SCFD2: variants seen among roughly 807,000 people sequenced by gnomAD.
The protein encoded by SCFD2 is sec1 family domain-containing protein 2.
In SCFD2, 54 loss-of-function variants were observed where a neutral mutation model predicts 58.9. That is an observed-to-expected ratio of 0.92 (90% CI 0.74 to 1.15). SCFD2 has a LOEUF of 1.15. Among genes scored for constraint, SCFD2 ranks in the 50% most tolerant of loss-of-function variants. The pLI, the probability that SCFD2 is intolerant of heterozygous loss-of-function variation, is 0.00. For missense variants in SCFD2, 805 were observed against 836.6 expected, an observed-to-expected ratio of 0.96 and a Z score of 0.47; for synonymous variants, 321 against 335.9, an observed-to-expected ratio of 0.96 and a Z score of 0.49.
intron 2 of SCFD2, among the ~76,000 whole-genome samples, chr4:53,335,318 T>A (rs1338330692): frequency 1.3e-5 from 2 of 150,390 alleles, no homozygotes; most frequent in African/African-American, 4.9e-5. Flanking sequence ...TAAACAAACA[T>A]AAACTGAAGA....
At chr4:53,343,437 G>GCAATAA (rs1733950116) in intron 2 of SCFD2, among the ~76,000 whole-genome samples, 2 of 152,086 alleles carry the variant, frequency 1.3e-5, no homozygotes, top group South Asian at 4.1e-4. Flanking sequence ...CCAATAACAG[G>GCAATAA]TTCTGAAATT....
At chr4:53,098,825 A>T (rs1195373300) in intron 5 of SCFD2, among the ~76,000 whole-genome samples, 1 of 151,984 alleles carries the variant, frequency 6.6e-6, no homozygotes, top group Non-Finnish European at 1.5e-5. Context: ...ACACATTCTG[A>T]CTTCCTTAAC....
intron 5 of SCFD2, among the ~76,000 whole-genome samples, chr4:52,964,408 A>G (rs1162263855): frequency 2.0e-5 from 3 of 152,266 alleles, no homozygotes; most frequent in Middle Eastern, 3.4e-3. Flanking sequence ...AACAGGTCCA[A>G]CTTTTCCAAA....
At chr4:53,277,978 G>A (rs1467614591) in intron 3 of SCFD2, among the ~76,000 whole-genome samples, 3 of 151,996 alleles carry the variant, frequency 2.0e-5, no homozygotes, top group South Asian at 2.1e-4. Flanking sequence ...GCGTGAACCC[G>A]GGAGGCGGAG....
chr4:52,933,604 G>A (rs1720055256), intron 5 of SCFD2, among the ~76,000 whole-genome samples: 1 of 152,148 alleles, frequency 6.6e-6, no homozygotes, highest in Admixed American at 6.5e-5. Flanking sequence ...GAGAGTTAAA[G>A]AACTGGTGAA....
intron 4 of SCFD2, among the ~76,000 whole-genome samples, chr4:53,206,046 T>G (rs965522214): frequency 2.0e-5 from 3 of 152,156 alleles, no homozygotes; most frequent in South Asian, 2.1e-4. Context: ...TCCCCCAAAG[T>G]GCAGCAAAAA....
chr4:52,935,480 C>T (rs902843388), intron 5 of SCFD2, among the ~76,000 whole-genome samples: 9 of 152,136 alleles, frequency 5.9e-5, no homozygotes, highest in Non-Finnish European at 1.0e-4. Context: ...TGTAAGAGCA[C>T]ATACTCACTG....
chr4:53,215,170 T>A (rs1012717280), intron 4 of SCFD2, among the ~76,000 whole-genome samples: 2 of 152,106 alleles, frequency 1.3e-5, no homozygotes, highest in African/African-American at 4.8e-5. Flanking sequence ...TTTAAAGTAG[T>A]TTTTTCCAAT....
At chr4:53,331,450 A>G (rs9762732) in intron 2 of SCFD2, among the ~76,000 whole-genome samples, 108,495 of 151,988 alleles carry the variant, frequency 0.71, 38,896 homozygotes, top group Middle Eastern at 0.8. Context: ...TTTCACTCAA[A>G]ACCGCTCAAC....
At chr4:53,106,317 C>T (rs1212368377) in intron 5 of SCFD2, among the ~76,000 whole-genome samples, 1 of 152,204 alleles carries the variant, frequency 6.6e-6, no homozygotes, top group Non-Finnish European at 1.5e-5. Flanking sequence ...CTCTTCTCCT[C>T]CAAACGGTCA....
At chr4:53,339,883 A>G in intron 2 of SCFD2, among the ~76,000 whole-genome samples, 1 of 152,248 alleles carries the variant, frequency 6.6e-6, no homozygotes, top group East Asian at 1.9e-4. Flanking sequence ...AACAGAGGCT[A>G]CAAACACAAA....
chr4:53,222,684 T>C (rs777766345), intron 4 of SCFD2, among the ~76,000 whole-genome samples: 1 of 152,106 alleles, frequency 6.6e-6, no homozygotes, highest in Non-Finnish European at 1.5e-5. Flanking sequence ...AAGTCAATTC[T>C]AGTTCTGGTT....
chr4:52,890,651 G>A (rs1718859525), intron 7 of SCFD2, among the ~76,000 whole-genome samples: 1 of 152,200 alleles, frequency 6.6e-6, no homozygotes, highest in Non-Finnish European at 1.5e-5. Flanking sequence ...AATAAAGCAA[G>A]TCCGAGTCAC....
intron 4 of SCFD2, among the ~76,000 whole-genome samples, chr4:53,212,473 A>AATAAATAAATAT (rs1209229690): frequency 6.7e-6 from 1 of 150,326 alleles, no homozygotes; most frequent in African/African-American, 2.5e-5. Context: ...GAAAGCAAAA[A>AATAAATAAATAT]ATAAATAAAT....
At chr4:53,351,312 T>C (rs1734213228) in intron 2 of SCFD2, among the ~76,000 whole-genome samples, 1 of 152,136 alleles carries the variant, frequency 6.6e-6, no homozygotes, top group Non-Finnish European at 1.5e-5. Context: ...CCCCCTCCTC[T>C]TTTCTAAGTC....
rs1373927897 is a variant in SCFD2 at position 53,320,857 on chromosome 4, C to CT, written c.1008-7095dup. ...GAATATAAATTAAACAATTTCTTCC[C>CT]TTTTTTCTGTTTTTAATATCATGGT... On this transcript the variant is annotated intron_variant, in intron 2 of 8. Transcript: ENST00000401642. Among the ~76,000 whole-genome samples the CT allele has an allele frequency of 3.9e-5, 6 of 152,038 alleles. No homozygotes were observed. In the East Asian group the frequency reaches 1.2e-3, roughly 29 times the overall value.
chr4:53,255,628 G>A (rs969450775), intron 4 of SCFD2, among the ~76,000 whole-genome samples: 5 of 152,122 alleles, frequency 3.3e-5, no homozygotes, highest in East Asian at 1.9e-4. Flanking sequence ...ACACAGACAC[G>A]GCAACCATCC....
At chr4:53,214,249 T>G (rs925160692) in intron 4 of SCFD2, among the ~76,000 whole-genome samples, 1 of 152,162 alleles carries the variant, frequency 6.6e-6, no homozygotes, top group African/African-American at 2.4e-5. Context: ...CCACAATGGT[T>G]GAACTAGTTT....
chr4:53,192,522 T>TA (rs1486089638), intron 4 of SCFD2, among the ~76,000 whole-genome samples: 1 of 152,186 alleles, frequency 6.6e-6, no homozygotes, highest in African/African-American at 2.4e-5. Context: ...TAAACTACTG[T>TA]ATTCTAAATA....
Sources: gnomAD v4.1 joint callset for allele counts (sites outside exome capture counted in the v4.1 genomes callset) on GRCh38, gnomAD v4.1.1 for gene constraint, MANE v1.5 for transcripts, NCBI Gene and HGNC (gene_info 2026-07-23, HGNC 2026-07-21) for gene names.